LARP1B: variants seen among roughly 807,000 people sequenced by gnomAD.
LARP1B encodes La ribonucleoprotein 1B, also known as la-related protein 1B.
A neutral mutation model predicts 114.2 loss-of-function variants in LARP1B; 76 were observed. The ratio of observed to expected loss-of-function variants is 0.67; its 90% CI spans 0.55 to 0.81. The LOEUF is 0.81. LARP1B is among the 30% of genes least tolerant of loss of function. LARP1B has a pLI of 0.00. For missense variants in LARP1B, 1,014 were observed against 1,075.8 expected (o/e 0.94, Z 0.80); for synonymous variants, 345 against 348.0 (o/e 0.99, Z 0.10).
intron 11 of LARP1B, among the ~76,000 whole-genome samples, chr4:128,157,387 A>G (rs1244799106): frequency 6.6e-6 from 1 of 152,206 alleles, no homozygotes; most frequent in Non-Finnish European, 1.5e-5. Context: ...AACACATATC[A>G]TTGGATCCTC....
intron 1 of LARP1B, among the ~76,000 whole-genome samples, chr4:128,070,592 C>G (rs958548217): frequency 1.3e-5 from 2 of 152,072 alleles, no homozygotes; most frequent in African/African-American, 2.4e-5. Context: ...ACCCGGGAGG[C>G]GGAGGTTGCA....
intron 7 of LARP1B, among the ~76,000 whole-genome samples, chr4:128,097,177 C>T (rs1263506208): frequency 2.6e-5 from 4 of 152,228 alleles, no homozygotes; most frequent in African/African-American, 4.8e-5. Flanking sequence ...GGGTTACAGG[C>T]GTGAGCCACC....
At chr4:128,136,768 A>G (rs1725498654) in intron 11 of LARP1B, among the ~76,000 whole-genome samples, 1 of 152,128 alleles carries the variant, frequency 6.6e-6, no homozygotes, top group Non-Finnish European at 1.5e-5. Context: ...TTATTTGTTA[A>G]TTTTTAAATA....
chr4:128,182,306 G>T (rs1003371570), intron 15 of LARP1B, among the ~76,000 whole-genome samples: 18 of 151,870 alleles, frequency 1.2e-4, no homozygotes, highest in African/African-American at 3.1e-4. Context: ...TAGAGATGGG[G>T]TCTCTGCTGT....
chr4:128,166,970 C>CTATATATA (rs71593507), intron 12 of LARP1B, among the ~76,000 whole-genome samples: 22 of 77,822 alleles, frequency 2.8e-4, no homozygotes, highest in African/African-American at 6.8e-4. Context: ...CTCTCTCTCT[C>CTATATATA]TATATATATA....
rs147095313 is a variant in LARP1B, at chr4:128,203,304, C to T, written c.2309+2639C>T. 3.7e-3 allele frequency among the ~76,000 whole-genome samples: 559 copies of T among 152,142 alleles called. 4 individuals are homozygous for T. The highest frequency in any genetic ancestry group is 9.5e-3 in the African/African-American group (395 of 41,508). ...TAACTTATGTATAGTAAGTGCTTGA[C>T]AAATGATTCCCTCTCTCCCTCCCTC... On this transcript the variant is annotated intron_variant, in intron 17 of 19. Coordinates refer to ENST00000326639, the MANE Select transcript of LARP1B (RefSeq NM_018078.4).
At chr4:128,207,974 A>G (rs1419972752) in intron 19 of LARP1B, among the ~76,000 whole-genome samples, 2 of 152,260 alleles carry the variant, frequency 1.3e-5, no homozygotes, top group African/African-American at 4.8e-5. Flanking sequence ...AAAGAAAAGC[A>G]TTAAAAAATG....
chr4:128,092,107 A>T (rs1682968335), intron 7 of LARP1B, among the ~76,000 whole-genome samples: 1 of 152,186 alleles, frequency 6.6e-6, no homozygotes, highest in African/African-American at 2.4e-5. Flanking sequence ...GCATAATATG[A>T]ATAAATATAA....
At chr4:128,105,890 CA>C (rs1314687303) in intron 8 of LARP1B, among the ~76,000 whole-genome samples, 8 of 151,218 alleles carry the variant, frequency 5.3e-5, no homozygotes, top group African/African-American at 1.9e-4. Flanking sequence ...GACTCCGTCT[CA>C]AAAAATAAAA....
intron 10 of LARP1B, 100 bp downstream of exon 10, chr4:128,114,842 G>A: frequency 9.6e-7 from 1 of 1,040,456 alleles, no homozygotes; most frequent in South Asian, 1.8e-5. Flanking sequence ...ATTTGGAAAA[G>A]TTTAGCACAA....
chr4:128,222,303 TC>T (rs1175822799), intron 7 of LARP1B: 1 of 456,604 alleles, frequency 2.2e-6, no homozygotes. Flanking sequence ...CAGTTTTAGT[TC>T]TTTCCCTTTG....
intron 11 of LARP1B, among the ~76,000 whole-genome samples, chr4:128,124,754 T>C (rs1789024441): frequency 6.6e-6 from 1 of 152,018 alleles, no homozygotes; most frequent in Non-Finnish European, 1.5e-5. Context: ...GCAGAGGAAA[T>C]ATAGAAGTGA....
chr4:128,061,972 G>T, intron 1 of LARP1B: 1 of 985,196 alleles, frequency 1.0e-6, no homozygotes, highest in Non-Finnish European at 1.2e-6. Context: ...CGCACAAGGC[G>T]CGTGGGCCCG....
intron 15 of LARP1B, among the ~76,000 whole-genome samples, chr4:128,192,842 TTTAAA>T (rs2150805868): frequency 6.6e-6 from 1 of 152,106 alleles, no homozygotes; most frequent in African/African-American, 2.4e-5. Context: ...GTTTTTTTTT[TTTAAA>T]TTAGAGACAG....
At chr4:128,158,575 A>G (rs981001565) in intron 11 of LARP1B, among the ~76,000 whole-genome samples, 17 of 152,286 alleles carry the variant, frequency 1.1e-4, no homozygotes, top group African/African-American at 2.2e-4. Flanking sequence ...GAGAAAGACA[A>G]CCCTATAGAA....
At chr4:128,065,428 T>C (rs1319737659) in intron 1 of LARP1B, among the ~76,000 whole-genome samples, 1 of 151,290 alleles carries the variant, frequency 6.6e-6, no homozygotes, top group Non-Finnish European at 1.5e-5. Flanking sequence ...CAGGCTGGTC[T>C]TGAACTGCTG....
intron 1 of LARP1B, among the ~76,000 whole-genome samples, chr4:128,071,237 G>A (rs534068927): frequency 7.9e-5 from 12 of 151,734 alleles, no homozygotes; most frequent in African/African-American, 2.4e-4. Flanking sequence ...TAATGGAGAC[G>A]GAGTTTCACT....
chr4:128,125,207 A>G (rs924151840), intron 11 of LARP1B, among the ~76,000 whole-genome samples: 3 of 152,042 alleles, frequency 2.0e-5, no homozygotes, highest in Non-Finnish European at 1.5e-5. Flanking sequence ...AGCTACCCAA[A>G]ACGGGTAAAA....
chr4:128,095,134 A>G (rs1462760782), intron 7 of LARP1B, among the ~76,000 whole-genome samples: 1 of 152,162 alleles, frequency 6.6e-6, no homozygotes, highest in Non-Finnish European at 1.5e-5. Context: ...TGTAACAACC[A>G]TCAGAATCTT....
Sources: gnomAD v4.1 joint callset for allele counts (sites outside exome capture counted in the v4.1 genomes callset) on GRCh38, gnomAD v4.1.1 for gene constraint, MANE v1.5 for transcripts, NCBI Gene and HGNC (gene_info 2026-07-23, HGNC 2026-07-21) for gene names.